Variants in WDR47 observed in about 807,000 individuals in gnomAD.
WDR47 encodes the protein WD repeat domain 47.
Under a neutral mutation model 97.2 loss-of-function variants are expected in WDR47, and 32 were observed. The ratio of observed to expected loss-of-function variants is 0.33; its 90% CI spans 0.25 to 0.44. WDR47 has a LOEUF of 0.44. Among genes scored for constraint, WDR47 ranks in the 20% least tolerant of loss-of-function variants. The pLI is 1.00. For synonymous variants in WDR47, 375 were observed against 373.5 expected (o/e 1.00, Z -0.05); for missense variants, 782 against 1,102.3 (o/e 0.71, Z 4.11).
chr1:108,994,577 TA>T (rs1012620352), intron 8 of WDR47, among the ~76,000 whole-genome samples: 3 of 151,006 alleles, frequency 2.0e-5, no homozygotes, highest in Non-Finnish European at 4.4e-5. Context: ...GATCCCATCT[TA>T]AAAAAAAATT....
chr1:109,020,600 A>G (rs1661763587), intron 2 of WDR47, among the ~76,000 whole-genome samples: 1 of 152,070 alleles, frequency 6.6e-6, no homozygotes, highest in Non-Finnish European at 1.5e-5. Flanking sequence ...CTATTTTATT[A>G]TTCTTTGCAT....
intron 5 of WDR47, among the ~76,000 whole-genome samples, chr1:109,006,347 C>T (rs753366088): frequency 1.4e-5 from 2 of 148,070 alleles, no homozygotes; most frequent in African/African-American, 2.4e-5. Context: ...GAGCCGAGAT[C>T]GCGCCATTGC....
intron 10 of WDR47, among the ~76,000 whole-genome samples, chr1:108,984,966 C>G (rs1014064089): frequency 2.0e-5 from 3 of 152,120 alleles, no homozygotes; most frequent in African/African-American, 7.2e-5. Flanking sequence ...CAATTATCAC[C>G]AAGTCCCACC....
At chr1:109,026,190 G>A (rs548595667) in intron 1 of WDR47, among the ~76,000 whole-genome samples, 1 of 152,092 alleles carries the variant, frequency 6.6e-6, no homozygotes, top group African/African-American at 2.4e-5. Context: ...GGGATGACAG[G>A]TGTGTGCCAC....
intron 8 of WDR47, chr1:108,992,972 T>C: frequency 7.5e-6 from 4 of 536,790 alleles, no homozygotes; most frequent in Non-Finnish European, 1.3e-5. Flanking sequence ...GCCCATGAAA[T>C]ACCCAGAAGA....
intron 7 of WDR47, among the ~76,000 whole-genome samples, chr1:109,000,637 C>A (rs537316091): frequency 7.3e-5 from 11 of 151,698 alleles, no homozygotes; most frequent in African/African-American, 2.7e-4. Context: ...GATCAGATTG[C>A]GCTACTGCAC....
At chr1:108,990,515 T>A (rs938820695) in intron 9 of WDR47, among the ~76,000 whole-genome samples, 5 of 151,776 alleles carry the variant, frequency 3.3e-5, no homozygotes, top group African/African-American at 9.7e-5. Flanking sequence ...GGCCTAATAT[T>A]TTTTTTTAAA....
chr1:109,004,725 G>A lies in WDR47; in HGVS notation c.1131-10C>T. 2.5e-6 allele frequency: 4 copies of A among 1,573,540 alleles called. No homozygotes were observed. Among genetic ancestry groups the A allele is most frequent in the Non-Finnish European group, 3.4e-6 (4 of 1,163,594 alleles). ...ATCAACAGGTGTATCACTTCTTCCA[G>A]AAACGTGCAAAAAAACAAAAAGGCA... On this transcript the variant is annotated splice_polypyrimidine_tract_variant and intron_variant, in intron 5 of 14. Coordinates refer to ENST00000369962, the MANE Select transcript of WDR47 (RefSeq NM_001142551.2).
intron 7 of WDR47, among the ~76,000 whole-genome samples, chr1:109,000,378 G>A (rs1395611598): frequency 6.6e-6 from 1 of 151,764 alleles, no homozygotes; most frequent in African/African-American, 2.4e-5. Flanking sequence ...GCATAGTGGT[G>A]CGTACCTGTA....
chr1:108,992,899 G>C, intron 8 of WDR47: 2 of 1,199,538 alleles, frequency 1.7e-6, no homozygotes, highest in Non-Finnish European at 2.4e-6. Context: ...GAAAATAGAG[G>C]TGAGGAAATT....
intron 7 of WDR47, among the ~76,000 whole-genome samples, chr1:109,000,239 A>G (rs989273581): frequency 2.6e-5 from 4 of 151,896 alleles, no homozygotes; most frequent in Admixed American, 2.0e-4. Context: ...GGGCAGGCGC[A>G]GTGGCTTACA....
chr1:108,990,152 AG>A (rs1410864537), intron 9 of WDR47, among the ~76,000 whole-genome samples: 13 of 152,088 alleles, frequency 8.5e-5, no homozygotes, highest in Admixed American at 8.5e-4. Context: ...GCTTGAGCCC[AG>A]GAATTTGAGA....
At chr1:108,993,509 A>C (rs919950712) in intron 8 of WDR47, among the ~76,000 whole-genome samples, 4 of 152,164 alleles carry the variant, frequency 2.6e-5, no homozygotes, top group Non-Finnish European at 5.9e-5. Context: ...TTAGACATGC[A>C]AGGTCTCAGA....
intron 1 of WDR47, among the ~76,000 whole-genome samples, chr1:109,037,634 A>C (rs913214895): frequency 1.3e-5 from 2 of 151,706 alleles, no homozygotes; most frequent in Non-Finnish European, 2.9e-5. Context: ...CTCAAAAAAA[A>C]AAAAAAAAAA....
chr1:108,991,210 AG>A (rs1659322479), intron 9 of WDR47, 43 bp downstream of exon 9: 1 of 1,548,392 alleles, frequency 6.5e-7, no homozygotes, highest in African/African-American at 1.4e-5. Context: ...CAAAATTTAC[AG>A]GTGCATATGA....
intron 8 of WDR47, chr1:108,992,242 A>G: frequency 1.1e-6 from 1 of 888,416 alleles, no homozygotes; most frequent in South Asian, 1.3e-5. Context: ...ATGATGGTAG[A>G]AAAAAGTAAA....
At chr1:109,037,818 T>G (rs1663067307) in intron 1 of WDR47, among the ~76,000 whole-genome samples, 1 of 152,030 alleles carries the variant, frequency 6.6e-6, no homozygotes, top group South Asian at 2.1e-4. Flanking sequence ...TAGTATAAAA[T>G]TTTTATGTCT....
intron 5 of WDR47, among the ~76,000 whole-genome samples, chr1:109,009,080 T>C (rs1660848159): frequency 6.6e-6 from 1 of 151,246 alleles, no homozygotes; most frequent in Non-Finnish European, 1.5e-5. Context: ...CGGGACTCCA[T>C]CTCAAAAAAA....
intron 13 of WDR47, 152 bp downstream of exon 13, chr1:108,981,581 G>T: frequency 2.8e-6 from 2 of 716,684 alleles, no homozygotes; most frequent in African/African-American, 1.8e-5. Context: ...GGTAACAAAT[G>T]CAAGTATTGT....
Sources: allele counts gnomAD v4.1 joint callset (sites outside exome capture counted in the v4.1 genomes callset), GRCh38; gene constraint gnomAD v4.1.1; transcripts MANE v1.5; gene names NCBI Gene and HGNC (gene_info 2026-07-23, HGNC 2026-07-21).